The following CLP1 variants were observed in gnomAD, a reference collection of about 807,000 sequenced individuals.
The protein encoded by CLP1 is polyribonucleotide 5'-hydroxyl-kinase Clp1.
A neutral mutation model predicts 29.9 loss-of-function variants in CLP1; 18 were observed. That is an observed-to-expected ratio of 0.60 (90% CI 0.42 to 0.89). CLP1 has a LOEUF of 0.89. Ranked by LOEUF, CLP1 falls within the 40% of genes least tolerant of loss-of-function variation. The pLI is 0.00. For synonymous variants in CLP1, 162 were observed against 206.2 expected (o/e 0.79, Z 1.84); for missense variants, 357 against 544.8 (o/e 0.66, Z 3.43).
chr11:57,661,276 G>A lies in CLP1; in HGVS notation c.1118G>A (p.Gly373Asp). The change falls in exon 3 of 3, where the codon GGT becomes GAT. Residue 373 changes from glycine (G) to aspartate (D), a missense_variant. By Grantham distance (94) the Gly-to-Asp change is moderately conservative. Transcript: ENST00000533682. ...HHLLSVSTAE[G>D]TEENLSETSV... The stretch of plus-strand genomic sequence containing the variant: ...CTACTGAGTGTTAGCACTGCCGAGG[G>A]TACAGAGGAGAACCTGTCCGAGACA... 1 of 1,614,182 alleles carries A rather than the reference G, an allele frequency of 6.2e-7. No homozygotes were observed. The highest frequency in any genetic ancestry group is 8.5e-7 in the Non-Finnish European group (1 of 1,180,030).
rs139859258 is a variant in CLP1 at position 57,659,769 on chromosome 11, C to T, written c.293C>T (p.Thr98Ile). The T allele has an allele frequency of 2.3e-5, 37 of 1,614,208 alleles. No homozygotes were observed. The South Asian group carries it at 2.5e-4, about 11-fold the overall frequency. Reference sequence around the variant, plus strand: ...ATGTTGCTTTACCTCAACACTCACACAGCCTTGGAACAGATGCGGAGGCAA... The same window carrying T: ...ATGTTGCTTTACCTCAACACTCACATAGCCTTGGAACAGATGCGGAGGCAA... ...TPMLLYLNTH[T>I]ALEQMRRQAE... is the part of the protein sequence containing the mutation. The change falls in exon 2 of 3, where the codon ACA (threonine) becomes ATA (isoleucine). Residue 98 changes from threonine to isoleucine, a missense_variant. By Grantham distance (89) the Thr-to-Ile change is moderately conservative (BLOSUM62 -1). Coordinates refer to ENST00000533682, the MANE Select transcript of CLP1 (RefSeq NM_006831.3).
chr11:57,659,429 G>T lies in CLP1; in HGVS notation c.-22-26G>T, dbSNP rs530094193. 2.5e-6 allele frequency: 4 copies of T among 1,604,106 alleles called. No homozygotes were observed. In the African/African-American group the frequency reaches 5.4e-5, roughly 22 times the overall value. Reference sequence around the variant, plus strand: ...GTAACAGAAGACTGACTTATAATTAGATCTGATATTTAATTTGTGTTCTAG... The same window carrying T: ...GTAACAGAAGACTGACTTATAATTATATCTGATATTTAATTTGTGTTCTAG... On this transcript the variant is annotated intron_variant, in intron 1 of 2. Coordinates refer to ENST00000533682, the MANE Select transcript of CLP1 (RefSeq NM_006831.3).
Position 57,659,831 on chromosome 11 carries a change from G to A in CLP1, c.355G>A (p.Val119Ile). Residue 119 changes from valine to isoleucine, a missense_variant, in exon 2 of 3, where the codon GTA becomes ATA. Val to Ile is a conservative substitution (Grantham distance 29). Coordinates refer to ENST00000533682, the MANE Select transcript of CLP1 (RefSeq NM_006831.3). Reference sequence around the variant, plus strand: ...AGAAGAGCGAGGTCCCCGAGTGATGGTAGTGGGCCCCACTGATGTGGGCAA... The same window carrying A: ...AGAAGAGCGAGGTCCCCGAGTGATGATAGTGGGCCCCACTGATGTGGGCAA... Reference protein sequence around the residue: ...KEEERGPRVMVVGPTDVGKST... With the variant: ...KEEERGPRVMIVGPTDVGKST... 6.2e-7 allele frequency: 1 copy of A among 1,614,186 alleles called. No homozygotes were observed. The highest frequency in any genetic ancestry group is 8.5e-7 in the Non-Finnish European group (1 of 1,180,044).
At chr11:57,659,337 C>G (rs1945851423) in intron 1 of CLP1, 118 bp from the exon 2 acceptor site, 2 of 925,206 alleles carry the variant, frequency 2.2e-6, no homozygotes, top group Admixed American at 5.1e-5. Context: ...GATCCAGCCA[C>G]CTCGGCTTCC....
intron 2 of CLP1, among the ~76,000 whole-genome samples, 180 bp from the exon 3 acceptor site, chr11:57,660,585 T>G (rs931466638): frequency 3.3e-5 from 5 of 151,962 alleles, no homozygotes; most frequent in African/African-American, 1.2e-4. Context: ...ACGCGGGAGG[T>G]GGAGGTTGCA....
intron 1 of CLP1, among the ~76,000 whole-genome samples, chr11:57,658,720 C>T (rs1373349185): frequency 6.6e-6 from 1 of 152,124 alleles, no homozygotes; most frequent in South Asian, 2.1e-4. Context: ...ACCCTGCAAC[C>T]TCCACCTCCT....
rs772707096 is a variant in CLP1, at chr11:57,661,247, C to T, written c.1089C>T (p.His363=). The T allele has an allele frequency of 5.0e-6, 8 of 1,614,024 alleles. No homozygotes were observed. In the African/African-American group the frequency reaches 6.7e-5, roughly 13 times the overall value. The change falls in exon 3 of 3, where the codon CAC becomes CAT. Residue 363 remains histidine, a synonymous_variant. Coordinates refer to ENST00000533682, the MANE Select transcript of CLP1 (RefSeq NM_006831.3). ...TCACTCCTGGGCGAGATATGGTGCA[C>T]CACCTACTGAGTGTTAGCACTGCCG... ...VPVTPGRDMV[H]HLLSVSTAEG...
At chr11:57,660,252 T>A (rs550777145) in intron 2 of CLP1, among the ~76,000 whole-genome samples, 170 bp downstream of exon 2, 114 of 152,360 alleles carry the variant, frequency 7.5e-4, no homozygotes, top group Admixed American at 1.5e-3. Flanking sequence ...TCTGTGGATC[T>A]ATTCTTAGTA....
Position 57,660,829 on chromosome 11 carries a change from G to A in CLP1, c.671G>A (p.Ser224Asn), listed in dbSNP as rs1945869270. 2.5e-6 allele frequency: 4 copies of A among 1,613,638 alleles called. No individual in the cohort carries two copies. The highest frequency in any genetic ancestry group is 3.4e-6 in the Non-Finnish European group (4 of 1,179,572). Residue 224 changes from serine to asparagine, a missense_variant, in exon 3 of 3, where the codon AGT becomes AAT. Coordinates refer to ENST00000533682, the MANE Select transcript of CLP1 (RefSeq NM_006831.3). Reference protein sequence around the residue: ...RCEVNRRASVSGCVINTCGWV... With the variant: ...RCEVNRRASVNGCVINTCGWV... ...GAGGTGAACCGAAGGGCATCTGTGA[G>A]TGGCTGTGTCATTAACACCTGTGGC...
At chr11:57,660,447 G>T (rs1212454501) in intron 2 of CLP1, among the ~76,000 whole-genome samples, 1 of 152,178 alleles carries the variant, frequency 6.6e-6, no homozygotes, top group East Asian at 1.9e-4. Flanking sequence ...CTGAGGTCAG[G>T]AGTTGGAGAG....
intron 2 of CLP1, 48 bp from the exon 3 acceptor site, chr11:57,660,717 G>C: frequency 7.0e-7 from 1 of 1,429,404 alleles, no homozygotes; most frequent in Non-Finnish European, 9.5e-7. Flanking sequence ...AAGTAGCCAT[G>C]GGTTTGTCTG....
In CLP1 at chr11:57,661,739, A is replaced by G. The variant is rs943056287; in HGVS notation, c.*303A>G. On this transcript the variant is annotated 3_prime_UTR_variant, in exon 3 of 3. Coordinates refer to ENST00000533682, the MANE Select transcript of CLP1 (RefSeq NM_006831.3). Reference sequence around the variant, plus strand: ...CTACTATGTGGTTTTTAAAAAATCAATGCTTTATATTCCATATGTGGTTCT... The same window carrying G: ...CTACTATGTGGTTTTTAAAAAATCAGTGCTTTATATTCCATATGTGGTTCT... 16 of 319,316 alleles carry G rather than the reference A, an allele frequency of 5.0e-5. No individual in the cohort carries two copies. The highest frequency in any genetic ancestry group is 5.2e-5 in the Non-Finnish European group (9 of 173,532). The allele number at this position is 319,316 out of a possible 1,614,324, so 19.8% of individuals were successfully genotyped here. A position where few individuals can be genotyped will look rare whatever the true frequency, so the allele number is the denominator to read the frequency against.
Position 57,660,769 on chromosome 11 carries a change from C to T in CLP1, c.611C>T (p.Thr204Ile). 1 of 1,580,732 alleles carries T rather than the reference C, an allele frequency of 6.3e-7. No individual in the cohort carries two copies. The highest frequency in any genetic ancestry group is 8.6e-7 in the Non-Finnish European group (1 of 1,161,272). The change falls in exon 3 of 3, where the codon ACA (threonine) becomes ATA (isoleucine). Residue 204 changes from threonine to isoleucine, a missense_variant. Thr to Ile is a moderately conservative substitution (Grantham distance 89). Coordinates refer to ENST00000533682, the MANE Select transcript of CLP1 (RefSeq NM_006831.3). ...GTNIKLYNKI[T>I]SRLADVFNQR... ...CCTTGATCCTCTCTTTTGCAGATTA[C>T]ATCTCGTTTAGCAGATGTGTTCAAC...
At chr11:57,658,778 C>T (rs1945845749) in intron 1 of CLP1, among the ~76,000 whole-genome samples, 1 of 152,056 alleles carries the variant, frequency 6.6e-6, no homozygotes, top group African/African-American at 2.4e-5. Flanking sequence ...GCTGGGACTA[C>T]AGGCGCCCAC....
rs1565184361 is a variant in CLP1, at chr11:57,659,643, C to T, written c.167C>T (p.Thr56Ile). 1.2e-6 allele frequency: 2 copies of T among 1,614,110 alleles called. No homozygotes were observed. Among genetic ancestry groups the T allele is most frequent in the Non-Finnish European group, 1.7e-6 (2 of 1,180,036 alleles). ...GAGCTGACCCGAAACAAGAAATTCA[C>T]CTTTGATGCTGGTGCCAAGGTGGCT... The part of the protein sequence containing the change: ...GTELTRNKKF[T>I]FDAGAKVAVF... Residue 56 changes from threonine (T) to isoleucine (I), a missense_variant, in exon 2 of 3, where the codon ACC becomes ATC. By Grantham distance (89) the Thr-to-Ile change is moderately conservative. Coordinates refer to ENST00000533682, the MANE Select transcript of CLP1 (RefSeq NM_006831.3).
Position 57,660,884 on chromosome 11 carries a change from G to A in CLP1, c.726G>A (p.Leu242=). 6 of 1,614,184 alleles carry A rather than the reference G, an allele frequency of 3.7e-6. No individual in the cohort carries two copies. Among genetic ancestry groups the A allele is most frequent in the South Asian group, 1.1e-5 (1 of 91,080 alleles). ...TCAAGGGCTCTGGTTACCAGGCTCT[G>A]GTGCATGCAGCCTCAGCTTTTGAGG... ...GWVKGSGYQA[L]VHAASAFEVD... The change falls in exon 3 of 3, where the codon CTG becomes CTA. Residue 242 remains leucine, a synonymous_variant. Transcript: ENST00000533682.
rs747590090 is a variant in CLP1 at position 57,661,428 on chromosome 11, C to T, written c.1270C>T (p.Leu424=). The T allele has an allele frequency of 1.2e-5, 20 of 1,608,168 alleles. No individual in the cohort carries two copies. The highest frequency in any genetic ancestry group is 4.5e-5 in the East Asian group (2 of 44,854). ...CATCATGGATATCCGGTTCATGGAT[C>T]TGAAGTAGAGATCAGCAGGAAGCCT... ...LLIMDIRFMD[L]K Residue 424 remains leucine (L), a synonymous_variant, in exon 3 of 3, where the codon CTG becomes TTG. Transcript: ENST00000533682.
At chr11:57,658,379 T>C (rs1441720513) in intron 1 of CLP1, among the ~76,000 whole-genome samples, 1 of 152,214 alleles carries the variant, frequency 6.6e-6, no homozygotes, top group African/African-American at 2.4e-5. Flanking sequence ...TCTGTAGGTA[T>C]GGTTTTTCTC....
intron 1 of CLP1, among the ~76,000 whole-genome samples, chr11:57,658,357 ATCT>A (rs911100587): frequency 2.6e-5 from 4 of 152,148 alleles, no homozygotes; most frequent in Non-Finnish European, 4.4e-5. Flanking sequence ...ATATAATTAA[ATCT>A]TCTGTCAGTC....
Sources: allele counts gnomAD v4.1 joint callset (sites outside exome capture counted in the v4.1 genomes callset), GRCh38; gene constraint gnomAD v4.1.1; transcripts MANE v1.5; gene names NCBI Gene and HGNC (gene_info 2026-07-23, HGNC 2026-07-21).